Variants in SUGCT observed in about 807,000 individuals in gnomAD.
The protein encoded by SUGCT is succinyl-CoA:glutarate CoA-transferase.
SUGCT carries 41 observed loss-of-function variants against 55.0 expected under a neutral mutation model. That is an observed-to-expected ratio of 0.74 (90% CI 0.58 to 0.97). The LOEUF is 0.97. Among genes scored for constraint, SUGCT ranks in the 50% least tolerant of loss-of-function variants. The pLI is 0.00. For synonymous variants in SUGCT, 187 were observed against 200.4 expected (o/e 0.93, Z 0.56); for missense variants, 568 against 547.8 (o/e 1.04, Z -0.37).
chr7:40,269,937 G>A (rs1450870282), intron 7 of SUGCT, among the ~76,000 whole-genome samples: 1 of 152,032 alleles, frequency 6.6e-6, no homozygotes. Context: ...AGGAGTTCAA[G>A]ACCAGCCTGG....
intron 6 of SUGCT, among the ~76,000 whole-genome samples, chr7:40,209,686 T>G (rs1245652585): frequency 2.0e-5 from 3 of 151,778 alleles, no homozygotes; most frequent in Non-Finnish European, 2.9e-5. Flanking sequence ...ATCTTAGCTA[T>G]GTGGGATGCT....
At chr7:40,317,124 T>G (rs1795484790) in intron 9 of SUGCT, among the ~76,000 whole-genome samples, 1 of 107,876 alleles carries the variant, frequency 9.3e-6, no homozygotes, top group South Asian at 3.2e-4. Flanking sequence ...GCTCGTATGA[T>G]GGTTTTCTTT....
intron 12 of SUGCT, among the ~76,000 whole-genome samples, chr7:40,678,734 G>T (rs141639437): frequency 6.6e-6 from 1 of 152,120 alleles, no homozygotes; most frequent in Non-Finnish European, 1.5e-5. Flanking sequence ...GTAACATTTT[G>T]AATACAGTTT....
In SUGCT at chr7:40,484,219, A is replaced by G. The variant is rs533217715; in HGVS notation, c.987-12065A>G. ...GCAGCAGTGTGTAGTGAGATGGGCT[A>G]TGGGCCTGGAGTGTACAGACTTGAA... On this transcript the variant is annotated intron_variant, in intron 11 of 13. Transcript: ENST00000335693. Among the ~76,000 whole-genome samples the G allele has an allele frequency of 3.0e-4, 46 of 152,306 alleles. 1 individual carries two copies. In the South Asian group the frequency reaches 9.5e-3, roughly 32 times the overall value.
At chr7:40,353,739 G>A (rs560309937) in intron 9 of SUGCT, among the ~76,000 whole-genome samples, 8 of 152,018 alleles carry the variant, frequency 5.3e-5, no homozygotes, top group Admixed American at 1.3e-4. Context: ...CTTAAGTACC[G>A]AAAATATGAC....
intron 13 of SUGCT, among the ~76,000 whole-genome samples, chr7:40,842,025 A>T (rs910151359): frequency 6.6e-6 from 1 of 152,218 alleles, no homozygotes; most frequent in African/African-American, 2.4e-5. Flanking sequence ...TATACTGGGA[A>T]AGAATAACCA....
intron 13 of SUGCT, among the ~76,000 whole-genome samples, chr7:40,771,135 A>G (rs1212753234): frequency 6.6e-6 from 1 of 152,238 alleles, no homozygotes; most frequent in Admixed American, 6.5e-5. Flanking sequence ...ATCCAAAAGT[A>G]TAACAAATGT....
intron 6 of SUGCT, among the ~76,000 whole-genome samples, chr7:40,227,181 A>G (rs1562592710): frequency 6.7e-6 from 1 of 150,132 alleles, no homozygotes; most frequent in African/African-American, 2.4e-5. Context: ...CAAGTAGCTG[A>G]GACTACAGGC....
chr7:40,227,731 CT>C (rs1172060509), intron 6 of SUGCT, among the ~76,000 whole-genome samples: 1 of 151,844 alleles, frequency 6.6e-6, no homozygotes, highest in African/African-American at 2.4e-5. Context: ...GGAAAGGACT[CT>C]TTTTTTAACA....
Position 40,644,040 on chromosome 7 carries a change from G to A in SUGCT, c.1090-105394G>A, listed in dbSNP as rs114138681. Among the ~76,000 whole-genome samples, 494 of 152,240 alleles carry A rather than the reference G, an allele frequency of 3.2e-3. 1 individual carries two copies. Among genetic ancestry groups the A allele is most frequent in the African/African-American group, 0.011 (447 of 41,532 alleles). ...GTGCGGGAAGGTAGGAAGTCTGATC[G>A]TGACCTCAGATACTAGCCACATTCT... On this transcript the variant is annotated intron_variant, in intron 12 of 13. Coordinates refer to ENST00000335693, the MANE Select transcript of SUGCT (RefSeq NM_001193313.2).
At chr7:40,659,289 G>A (rs1415095315) in intron 12 of SUGCT, among the ~76,000 whole-genome samples, 1 of 152,176 alleles carries the variant, frequency 6.6e-6, no homozygotes, top group Non-Finnish European at 1.5e-5. Flanking sequence ...ATGTGGAGGT[G>A]TAGTCATCTG....
chr7:40,837,895 T>C (rs577055977), intron 13 of SUGCT, among the ~76,000 whole-genome samples: 18 of 152,194 alleles, frequency 1.2e-4, no homozygotes, highest in Non-Finnish European at 1.0e-4. Context: ...ATTACAAGCG[T>C]GAGCCACCAG....
intron 12 of SUGCT, among the ~76,000 whole-genome samples, chr7:40,629,735 C>T (rs1799699383): frequency 1.3e-5 from 2 of 152,106 alleles, no homozygotes; most frequent in Admixed American, 6.5e-5. Flanking sequence ...TAAGAAATAC[C>T]AGTTTTTAAA....
the SUGCT span, among the ~76,000 whole-genome samples, chr7:40,969,298 A>T: frequency 6.6e-6 from 1 of 152,202 alleles, no homozygotes; most frequent in South Asian, 2.1e-4. Context: ...AATAAAGATT[A>T]TTTCAAATTT....
At chr7:40,223,942 C>T (rs542460322) in intron 6 of SUGCT, among the ~76,000 whole-genome samples, 21 of 152,286 alleles carry the variant, frequency 1.4e-4, no homozygotes, top group African/African-American at 5.1e-4. Flanking sequence ...CTGAACATTT[C>T]TGTGTTCTTT....
At chr7:40,185,061 G>A (rs1446038978) in intron 3 of SUGCT, among the ~76,000 whole-genome samples, 1 of 152,112 alleles carries the variant, frequency 6.6e-6, no homozygotes, top group African/African-American at 2.4e-5. Flanking sequence ...ACAGTCTTAG[G>A]CAGTAGAAGT....
chr7:40,630,124 G>T (rs952668018), intron 12 of SUGCT, among the ~76,000 whole-genome samples: 1 of 152,156 alleles, frequency 6.6e-6, no homozygotes, highest in African/African-American at 2.4e-5. Context: ...TACGCTTTGC[G>T]CCTCCCATCA....
chr7:40,249,411 A>T (rs1034963141), intron 7 of SUGCT, among the ~76,000 whole-genome samples: 17 of 145,520 alleles, frequency 1.2e-4, no homozygotes, highest in African/African-American at 4.3e-4. Context: ...TATATAATAT[A>T]TATAATATAA....
intron 12 of SUGCT, chr7:40,539,658 A>G (rs1397872465): frequency 6.6e-6 from 1 of 152,186 alleles, no homozygotes; most frequent in East Asian, 1.9e-4. Context: ...TTTGGACTCC[A>G]ATGTTAGGGA....
Sources: allele counts gnomAD v4.1 joint callset (sites outside exome capture counted in the v4.1 genomes callset), GRCh38; gene constraint gnomAD v4.1.1; transcripts MANE v1.5; gene names NCBI Gene and HGNC (gene_info 2026-07-23, HGNC 2026-07-21).